The following BCR variants were observed in gnomAD, a reference collection of about 807,000 sequenced individuals.
BCR encodes the protein BCR activator of RhoGEF and GTPase.
In BCR, 58 loss-of-function variants were observed where a neutral mutation model predicts 138.6. The observed-to-expected ratio is 0.42, with a 90% confidence interval of 0.34 to 0.52. The LOEUF (loss-of-function observed/expected upper bound fraction) is 0.52, where lower values mean the gene tolerates loss of function less well. Among genes scored for constraint, BCR ranks in the 20% least tolerant of loss-of-function variants. The pLI is 0.06. For missense variants in BCR, 1,599 were observed against 1,727.2 expected (o/e 0.93, Z 1.32); for synonymous variants, 786 against 730.1 (o/e 1.08, Z -1.23).
At position 23,199,297 on chromosome 22, in the gene BCR, G is replaced by A. The variant is rs574891413; in HGVS notation, c.1279+17058G>A. The A allele has an allele frequency of 9.6e-6, 5 of 518,908 alleles. No individual in the cohort carries two copies. In the East Asian group the frequency reaches 2.7e-4, roughly 28 times the overall value. 32.1% of individuals were successfully genotyped at this position (518,908 alleles called of 1,614,324 possible). A position where few individuals can be genotyped will look rare whatever the true frequency, so the allele number is the denominator to read the frequency against. On this transcript the variant is annotated intron_variant, in intron 1 of 22. Transcript: ENST00000305877. Reference sequence around the variant, plus strand: ...GCTCTAGAAAGGAATGTCTGAGGAAGCATCGGAGACTGGGTCCCGCCATGC... The same window carrying A: ...GCTCTAGAAAGGAATGTCTGAGGAAACATCGGAGACTGGGTCCCGCCATGC...
intron 16 of BCR, among the ~76,000 whole-genome samples, chr22:23,305,913 G>C (rs1409059828): frequency 1.3e-5 from 2 of 152,086 alleles, no homozygotes; most frequent in African/African-American, 4.8e-5. Flanking sequence ...TTTCCCCCTT[G>C]GTCATCTGTT....
chr22:23,197,817 C>T (rs1434385464), intron 1 of BCR, among the ~76,000 whole-genome samples: 1 of 148,016 alleles, frequency 6.8e-6, no homozygotes, highest in Admixed American at 6.7e-5. Flanking sequence ...TCTTGAGGGG[C>T]GGTGGGGAGG....
At chr22:23,249,431 CAAAA>C (rs535635463) in intron 1 of BCR, among the ~76,000 whole-genome samples, 2 of 66,196 alleles carry the variant, frequency 3.0e-5, no homozygotes, top group African/African-American at 5.5e-5. Flanking sequence ...GACTCTGTCT[CAAAA>C]AAAAAAAAAA....
chr22:23,236,382 T>C (rs1176825458), intron 1 of BCR, among the ~76,000 whole-genome samples: 1 of 152,326 alleles, frequency 6.6e-6, no homozygotes, highest in East Asian at 1.9e-4. Context: ...TGCTGACTTA[T>C]GAGACCTCTT....
In BCR at chr22:23,263,821, TG is replaced by T. The variant is rs970507493; in HGVS notation, c.1752+2285del. 3.4e-5 allele frequency: 41 copies of T among 1,191,892 alleles called. No individual in the cohort carries two copies. The African/African-American group carries it at 5.5e-4, about 16-fold the overall frequency. 73.8% of individuals were successfully genotyped at this position (1,191,892 alleles called of 1,614,324 possible). On this transcript the variant is annotated intron_variant, in intron 4 of 22. Coordinates refer to ENST00000305877, the MANE Select transcript of BCR (RefSeq NM_004327.4). ...GTGTGGCCTTTGGCCTCAGGCCAGC[TG>T]GGGTAGTGTTTATACACCATCCAGA...
intron 1 of BCR, among the ~76,000 whole-genome samples, chr22:23,252,164 G>C (rs2073234865): frequency 6.6e-6 from 1 of 152,194 alleles, no homozygotes; most frequent in Non-Finnish European, 1.5e-5. Context: ...CGACAGACCT[G>C]CTGGAAGGTG....
In BCR at chr22:23,271,551, A is replaced by G; in HGVS notation, c.1880A>G (p.Asn627Ser). The change falls in exon 6 of 23, where the codon AAC (asparagine) becomes AGC (serine). Residue 627 changes from asparagine (N) to serine (S), a missense_variant. Physicochemically the swap from Asn to Ser is conservative, Grantham distance 46. This residue lies in a region of BCR where 590 missense variants were observed against 762.4 expected (regional missense o/e 0.77). Transcript: ENST00000305877. Reference sequence around the variant, plus strand: ...CTGCAGAACCTGAGAGCCAGAAGCAACAAAGATGCCAAGGATCCAACGACC... The same window carrying G: ...CTGCAGAACCTGAGAGCCAGAAGCAGCAAAGATGCCAAGGATCCAACGACC... ...EISENLRARS[N>S]KDAKDPTTKN... 6.2e-7 allele frequency: 1 copy of G among 1,614,130 alleles called. No individual in the cohort carries two copies. The highest frequency in any genetic ancestry group is 8.5e-7 in the Non-Finnish European group (1 of 1,180,012).
chr22:23,229,022 A>T (rs1339531420), intron 1 of BCR, among the ~76,000 whole-genome samples: 1 of 152,062 alleles, frequency 6.6e-6, no homozygotes, highest in East Asian at 1.9e-4. Context: ...ATGTTGTTCC[A>T]TAGATGCTTG....
chr22:23,259,611 T>C (rs1267094779), intron 2 of BCR, among the ~76,000 whole-genome samples: 3 of 151,804 alleles, frequency 2.0e-5, no homozygotes, highest in African/African-American at 7.3e-5. Flanking sequence ...CCCCCTCCTG[T>C]GTTCAGGCAA....
chr22:23,295,906 G>C (rs1403209527), intron 16 of BCR, among the ~76,000 whole-genome samples: 1 of 152,096 alleles, frequency 6.6e-6, no homozygotes, highest in Non-Finnish European at 1.5e-5. Context: ...TTTCCTTATA[G>C]TGCATTATAT....
chr22:23,272,961 A>C, intron 6 of BCR, 120 bp from the exon 7 acceptor site: 1 of 1,039,990 alleles, frequency 9.6e-7, no homozygotes, highest in Non-Finnish European at 1.5e-6. Flanking sequence ...CGCAGAGGGG[A>C]GATGGGGCCT....
At chr22:23,208,415 T>TG (rs1178644997) in intron 1 of BCR, among the ~76,000 whole-genome samples, 1 of 107,546 alleles carries the variant, frequency 9.3e-6, no homozygotes, top group Non-Finnish European at 2.1e-5. Flanking sequence ...TTTGATTTTA[T>TG]GTTTTTTTTT....
chr22:23,194,892 G>C (rs1297756369), intron 1 of BCR, among the ~76,000 whole-genome samples: 2 of 152,132 alleles, frequency 1.3e-5, no homozygotes, highest in Admixed American at 6.5e-5. Context: ...AGCAAACTAT[G>C]ATTGCACCAC....
intron 16 of BCR, among the ~76,000 whole-genome samples, chr22:23,297,924 C>CCCA (rs758373947): frequency 6.6e-6 from 1 of 152,196 alleles, no homozygotes; most frequent in African/African-American, 2.4e-5. Context: ...ATGCACGTGA[C>CCCA]CTGTGCTCTT....
rs1008786175 is a variant in BCR, at chr22:23,185,171, G to A, written c.1279+2932G>A. On this transcript the variant is annotated intron_variant, in intron 1 of 22. Coordinates refer to ENST00000305877, the MANE Select transcript of BCR (RefSeq NM_004327.4). ...ACAGGTAAAGACACAACTGGGAAGCGGCAAGGCTGGGATTCTGGGTCTCTG... is the reference window on the plus strand; with the variant it reads ...ACAGGTAAAGACACAACTGGGAAGCAGCAAGGCTGGGATTCTGGGTCTCTG... Among the ~76,000 whole-genome samples the A allele has an allele frequency of 3.9e-5, 6 of 152,188 alleles. 1 individual carries two copies. Among genetic ancestry groups the A allele is most frequent in the South Asian group, 2.1e-4 (1 of 4,832 alleles).
At chr22:23,206,085 G>C (rs1174602460) in intron 1 of BCR, among the ~76,000 whole-genome samples, 2 of 152,172 alleles carry the variant, frequency 1.3e-5, no homozygotes, top group African/African-American at 4.8e-5. Context: ...GGAAAAGCTG[G>C]ATGAGAGATG....
intron 1 of BCR, among the ~76,000 whole-genome samples, chr22:23,213,955 T>C (rs2072718628): frequency 6.6e-6 from 1 of 152,178 alleles, no homozygotes; most frequent in African/African-American, 2.4e-5. Flanking sequence ...AATGCATGCC[T>C]GATAATGGGT....
chr22:23,290,676 TA>T, intron 14 of BCR: 1 of 488,742 alleles, frequency 2.0e-6, no homozygotes, highest in Non-Finnish European at 3.8e-6. Flanking sequence ...GTGGATCGAG[TA>T]ATTGCAGGGG....
At chr22:23,199,113 A>T (rs2146207644) in intron 1 of BCR, 1 of 314,408 alleles carries the variant, frequency 3.2e-6, no homozygotes, top group East Asian at 9.7e-5. Flanking sequence ...CAAGAACGAA[A>T]CTCCGTCTCA....
Sources: gnomAD v4.1 joint callset for allele counts (sites outside exome capture counted in the v4.1 genomes callset) on GRCh38, gnomAD v4.1.1 for gene constraint, gnomAD v4.1.1 regional missense constraint, MANE v1.5 for transcripts, NCBI Gene and HGNC (gene_info 2026-07-23, HGNC 2026-07-21) for gene names.